RC3H2: variants seen among roughly 807,000 people sequenced by gnomAD.
RC3H2 encodes the protein ring finger and CCCH-type domains 2.
In RC3H2, 31 loss-of-function variants were observed where a neutral mutation model predicts 133.3. The ratio of observed to expected loss-of-function variants is 0.23; its 90% CI spans 0.17 to 0.31. The LOEUF (loss-of-function observed/expected upper bound fraction) is 0.31. RC3H2 is among the 10% of genes least tolerant of loss of function. RC3H2 has a pLI of 1.00. For synonymous variants in RC3H2, 517 were observed against 502.2 expected (o/e 1.03, Z -0.40); for missense variants, 1,175 against 1,437.2 (o/e 0.82, Z 2.95).
chr9:122,882,746 A>C (rs1831703870), intron 5 of RC3H2, among the ~76,000 whole-genome samples: 1 of 152,172 alleles, frequency 6.6e-6, no homozygotes, highest in South Asian at 2.1e-4. Context: ...TCAACTTTCC[A>C]TTTCCTGGTT....
chr9:122,898,412 G>C (rs1285130399), intron 1 of RC3H2, among the ~76,000 whole-genome samples: 1 of 151,864 alleles, frequency 6.6e-6, no homozygotes, highest in Non-Finnish European at 1.5e-5. Flanking sequence ...AACTGAAAAG[G>C]CACATAGAAA....
chr9:122,859,178 C>T (rs925876158), intron 11 of RC3H2, 76 bp from the exon 12 acceptor site: 3 of 1,222,950 alleles, frequency 2.5e-6, no homozygotes, highest in Non-Finnish European at 3.3e-6. Flanking sequence ...AAATCTAAGG[C>T]AGCCCTTAAT....
intron 4 of RC3H2, among the ~76,000 whole-genome samples, chr9:122,887,948 T>A (rs1203154447): frequency 6.6e-6 from 1 of 152,138 alleles, no homozygotes; most frequent in East Asian, 1.9e-4. Flanking sequence ...TTTCGCCATG[T>A]TGGCCAGGTT....
At position 122,897,444 on chromosome 9, in the gene RC3H2, A is replaced by G; in HGVS notation, c.66T>C (p.Asp22=). ...LSCPICYNEF[D]ENVHKPISLG... ...AACTGATGGGTTTGTGCACATTCTC[A>G]TCAAATTCATTATAGCAGATTGGAC... Residue 22 remains aspartate, a synonymous_variant, in exon 2 of 21, where the codon GAT becomes GAC. Transcript: ENST00000357244. 1 of 1,614,214 alleles carries G rather than the reference A, an allele frequency of 6.2e-7. No individual in the cohort carries two copies. Among genetic ancestry groups the G allele is most frequent in the Non-Finnish European group, 8.5e-7 (1 of 1,180,022 alleles).
In RC3H2 at chr9:122,860,047, A is replaced by C; in HGVS notation, c.1719T>G (p.Asn573Lys). The change falls in exon 11 of 21, where the codon AAT becomes AAG. Residue 573 changes from asparagine to lysine, a missense_variant. Asn to Lys is a moderately conservative substitution (Grantham distance 94, BLOSUM62 0). Coordinates refer to ENST00000357244, the MANE Select transcript of RC3H2 (RefSeq NM_001100588.3). Reference sequence around the variant, plus strand: ...ATGGGCTGGATTTTTGAGGCACAGAATTCAGCTCTGTTCCAACATTAGAGG... The same window carrying C: ...ATGGGCTGGATTTTTGAGGCACAGACTTCAGCTCTGTTCCAACATTAGAGG... ...AGPSNVGTELNSVPQKSSPFL... is the reference protein window; with the variant it reads ...AGPSNVGTELKSVPQKSSPFL... 3 of 1,614,146 alleles carry C rather than the reference A, an allele frequency of 1.9e-6. No homozygotes were observed. The highest frequency in any genetic ancestry group is 1.6e-4 in the Middle Eastern group (1 of 6,062).
chr9:122,901,908 C>T (rs1588119747), intron 1 of RC3H2, among the ~76,000 whole-genome samples: 1 of 147,252 alleles, frequency 6.8e-6, no homozygotes, highest in African/African-American at 2.5e-5. Context: ...TCTAATAGGG[C>T]AATAATGAGA....
chr9:122,902,364 G>C (rs1425312299), intron 1 of RC3H2, among the ~76,000 whole-genome samples: 4 of 152,136 alleles, frequency 2.6e-5, no homozygotes, highest in Non-Finnish European at 5.9e-5. Context: ...AAAGTCCTTA[G>C]CTCTTTAATT....
chr9:122,900,180 T>G (rs1274234913), intron 1 of RC3H2, among the ~76,000 whole-genome samples: 1 of 152,172 alleles, frequency 6.6e-6, no homozygotes, highest in African/African-American at 2.4e-5. Flanking sequence ...TTTAACATAA[T>G]TAATACTGAG....
intron 4 of RC3H2, among the ~76,000 whole-genome samples, chr9:122,884,977 T>C (rs1831845816): frequency 6.6e-6 from 1 of 151,890 alleles, no homozygotes; most frequent in Non-Finnish European, 1.5e-5. Context: ...AAAAGAGACA[T>C]GACTAAAACG....
At chr9:122,872,959 CA>C (rs1293117824) in intron 9 of RC3H2, among the ~76,000 whole-genome samples, 1 of 152,190 alleles carries the variant, frequency 6.6e-6, no homozygotes, top group Non-Finnish European at 1.5e-5. Context: ...AACATAACCC[CA>C]ACATCCTAGT....
intron 9 of RC3H2, among the ~76,000 whole-genome samples, chr9:122,868,839 A>ATGTGTG (rs36205979): frequency 3.4e-5 from 4 of 118,964 alleles, no homozygotes; most frequent in African/African-American, 1.3e-4. Context: ...TCCCTCCTAT[A>ATGTGTG]TGTGTGTGTG....
At chr9:122,873,544 A>G (rs1831194734) in intron 9 of RC3H2, among the ~76,000 whole-genome samples, 2 of 152,056 alleles carry the variant, frequency 1.3e-5, no homozygotes, top group African/African-American at 4.8e-5. Context: ...CCCCATCTCT[A>G]CAAAAAATAT....
chr9:122,862,451 T>C (rs895411769), intron 10 of RC3H2, among the ~76,000 whole-genome samples: 3 of 152,194 alleles, frequency 2.0e-5, no homozygotes, highest in Non-Finnish European at 4.4e-5. Context: ...CTTCCTTCCT[T>C]GCTATCCATA....
chr9:122,849,731 T>G lies in RC3H2; in HGVS notation c.3472A>C (p.Thr1158Pro), dbSNP rs1829947544. ...ISNASCLPITTSVSAGNLILK... is the reference protein window; with the variant it reads ...ISNASCLPITPSVSAGNLILK... ...ATGAGGTTGCCAGCACTGACAGATGTGGTGATGGGGAGGCAACTTGCATTG... is the reference window on the plus strand; with the variant it reads ...ATGAGGTTGCCAGCACTGACAGATGGGGTGATGGGGAGGCAACTTGCATTG... The change falls in exon 21 of 21, where the codon ACA becomes CCA. Residue 1158 changes from threonine (T) to proline (P), a missense_variant. Coordinates refer to ENST00000357244, the MANE Select transcript of RC3H2 (RefSeq NM_001100588.3). 1 of 1,610,074 alleles carries G rather than the reference T, an allele frequency of 6.2e-7. No homozygotes were observed. Among genetic ancestry groups the G allele is most frequent in the South Asian group, 1.1e-5 (1 of 90,676 alleles).
Position 122,860,072 on chromosome 9 carries a change from G to T in RC3H2, c.1694C>A (p.Pro565His). ...VSNVAATSAGPSNVGTELNSV... is the reference protein window; with the variant it reads ...VSNVAATSAGHSNVGTELNSV... ...ATTCAGCTCTGTTCCAACATTAGAGGGCCCAGCTGAGGTAGCTGCTACATT... is the reference window on the plus strand; with the variant it reads ...ATTCAGCTCTGTTCCAACATTAGAGTGCCCAGCTGAGGTAGCTGCTACATT... Residue 565 changes from proline to histidine, a missense_variant, in exon 11 of 21, where the codon CCC (proline) becomes CAC (histidine). By Grantham distance (77) the Pro-to-His change is moderately conservative (BLOSUM62 -2). Transcript: ENST00000357244. The T allele has an allele frequency of 6.2e-7, 1 of 1,614,086 alleles. No homozygotes were observed. The highest frequency in any genetic ancestry group is 2.2e-5 in the East Asian group (1 of 44,874).
intron 9 of RC3H2, among the ~76,000 whole-genome samples, chr9:122,868,263 G>A (rs1427165563): frequency 2.6e-5 from 4 of 152,342 alleles, no homozygotes; most frequent in South Asian, 2.1e-4. Flanking sequence ...CATTGAGAAC[G>A]GGCCATGATG....
At chr9:122,873,791 T>C (rs1344565908) in intron 9 of RC3H2, 1 of 152,178 alleles carries the variant, frequency 6.6e-6, no homozygotes, top group African/African-American at 2.4e-5. Flanking sequence ...TGTAGTTTTA[T>C]AACTATACCA....
chr9:122,889,315 T>C (rs1832064472), intron 4 of RC3H2, among the ~76,000 whole-genome samples: 1 of 152,168 alleles, frequency 6.6e-6, no homozygotes, highest in East Asian at 1.9e-4. Flanking sequence ...AAATATATTC[T>C]TTTATTGGTT....
chr9:122,896,223 G>A (rs1458802520), intron 2 of RC3H2, among the ~76,000 whole-genome samples: 1 of 151,564 alleles, frequency 6.6e-6, no homozygotes, highest in Non-Finnish European at 1.5e-5. Flanking sequence ...TACAACACAT[G>A]TTCAGAAGAA....
Sources: allele counts gnomAD v4.1 joint callset (sites outside exome capture counted in the v4.1 genomes callset), GRCh38; gene constraint gnomAD v4.1.1; transcripts MANE v1.5; gene names NCBI Gene and HGNC (gene_info 2026-07-23, HGNC 2026-07-21).